Variants in DDX60L observed in about 807,000 individuals in gnomAD.
The protein encoded by DDX60L is DExD/H-box 60 like.
DDX60L carries 191 observed loss-of-function variants against 211.6 expected under a neutral mutation model. The ratio of observed to expected loss-of-function variants is 0.90; its 90% confidence interval spans 0.80 to 1.02. The LOEUF (loss-of-function observed/expected upper bound fraction) is 1.02, where lower values mean the gene tolerates loss of function less well. Ranked by LOEUF, DDX60L falls within the 50% of genes least tolerant of loss-of-function variation. The pLI, the probability that DDX60L is intolerant of heterozygous loss-of-function variation, is 0.00. For missense variants in DDX60L, 2,007 were observed against 1,984.1 expected (o/e 1.01, Z -0.22); for synonymous variants, 706 against 694.1 (o/e 1.02, Z -0.27).
At chr4:168,455,328 T>C (rs1363544600) in intron 7 of DDX60L, among the ~76,000 whole-genome samples, 1 of 143,478 alleles carries the variant, frequency 7.0e-6, no homozygotes, top group Admixed American at 6.8e-5. Context: ...ATGCATATAG[T>C]AGAGCGGAAA....
At chr4:168,428,923 A>G (rs1276321774) in intron 13 of DDX60L, among the ~76,000 whole-genome samples, 1 of 152,202 alleles carries the variant, frequency 6.6e-6, no homozygotes, top group Non-Finnish European at 1.5e-5. Flanking sequence ...AAAGGCAGGA[A>G]GAGAAAGAAA....
At chr4:168,396,579 C>T (rs1373931375) in intron 26 of DDX60L, among the ~76,000 whole-genome samples, 1 of 151,970 alleles carries the variant, frequency 6.6e-6, no homozygotes, top group East Asian at 1.9e-4. Flanking sequence ...ACAGCAGAGA[C>T]CCTTCCTGAC....
intron 4 of DDX60L, among the ~76,000 whole-genome samples, chr4:168,466,149 T>C (rs542325647): frequency 2.0e-5 from 3 of 151,292 alleles, no homozygotes; most frequent in African/African-American, 7.3e-5. Flanking sequence ...ATTTATGAAG[T>C]TAGTGGAAAA....
chr4:168,381,978 G>C (rs919627695), intron 30 of DDX60L, among the ~76,000 whole-genome samples: 2 of 152,080 alleles, frequency 1.3e-5, no homozygotes, highest in African/African-American at 4.8e-5. Context: ...CTTTTACATA[G>C]AACTGGGTGT....
chr4:168,414,221 A>T (rs1423971773), intron 22 of DDX60L, among the ~76,000 whole-genome samples: 2 of 152,194 alleles, frequency 1.3e-5, no homozygotes, highest in East Asian at 3.8e-4. Context: ...AGAAGTGCTA[A>T]AGGGAGTTCT....
Position 168,356,934 on chromosome 4 carries a change from A to G in DDX60L, c.*1213T>C, listed in dbSNP as rs1486807787. ...AAGAATTATATTCTCTAATTTTTAA[A>G]TCACTTGCAGTTTAAGCTCATTTGA... On this transcript the variant is annotated 3_prime_UTR_variant, in exon 38 of 38. Coordinates refer to ENST00000682922, the MANE Select transcript of DDX60L (RefSeq NM_001012967.3). 6.6e-6 allele frequency: 1 copy of G among 152,226 alleles called. No individual in the cohort carries two copies. Among genetic ancestry groups the G allele is most frequent in the Non-Finnish European group, 1.5e-5 (1 of 68,048 alleles). The allele number at this position is 152,226 out of a possible 1,614,324, so 9.4% of individuals were successfully genotyped here.
At chr4:168,379,691 G>C in intron 31 of DDX60L, 35 bp downstream of exon 31, 1 of 1,535,114 alleles carries the variant, frequency 6.5e-7, no homozygotes, top group East Asian at 2.3e-5. Context: ...CACGGTACTA[G>C]TTACAGAGAA....
In DDX60L at chr4:168,357,987, T is replaced by C. The variant is rs1738416722; in HGVS notation, c.*160A>G. On this transcript the variant is annotated 3_prime_UTR_variant, in exon 38 of 38. Coordinates refer to ENST00000682922, the MANE Select transcript of DDX60L (RefSeq NM_001012967.3). ...TAAAGCTCAGATATATTACATAACT[T>C]AAAGTCATTCAGTTAGAAAATAGCA... is the stretch of plus-strand genomic sequence containing the variant. 1.6e-6 allele frequency: 1 copy of C among 634,408 alleles called. No homozygotes were observed. The highest frequency in any genetic ancestry group is 2.6e-6 in the Non-Finnish European group (1 of 380,324). The allele number at this position is 634,408 out of a possible 1,614,324, so 39.3% of individuals were successfully genotyped here. A position where few individuals can be genotyped will look rare whatever the true frequency, so the allele number is the denominator to read the frequency against.
intron 8 of DDX60L, among the ~76,000 whole-genome samples, chr4:168,450,432 G>A (rs537486273): frequency 2.0e-5 from 3 of 151,372 alleles, no homozygotes; most frequent in Non-Finnish European, 2.9e-5. Context: ...AAATGCTCAG[G>A]GGAGACTGAA....
intron 1 of DDX60L, among the ~76,000 whole-genome samples, chr4:168,476,637 A>G (rs2150165901): frequency 1.7e-5 from 2 of 117,890 alleles, no homozygotes; most frequent in East Asian, 5.2e-4. Context: ...TTTCTTTTGG[A>G]TTCTGATGGA....
At chr4:168,414,912 T>C (rs542173206) in intron 22 of DDX60L, among the ~76,000 whole-genome samples, 4 of 150,898 alleles carry the variant, frequency 2.7e-5, no homozygotes, top group African/African-American at 4.9e-5. Flanking sequence ...CACAAAAAAA[T>C]AGATAGAATA....
chr4:168,396,587 G>C (rs1745837925), intron 26 of DDX60L, among the ~76,000 whole-genome samples: 1 of 151,928 alleles, frequency 6.6e-6, no homozygotes, highest in African/African-American at 2.4e-5. Context: ...GACCCTTCCT[G>C]ACTAGGCCTA....
Position 168,404,058 on chromosome 4 carries a change from T to C in DDX60L, c.3262A>G (p.Lys1088Glu), listed in dbSNP as rs778017747. 1.2e-5 allele frequency: 18 copies of C among 1,458,604 alleles called. No homozygotes were observed. The Admixed American group carries it at 4.0e-4, about 32-fold the overall frequency. 90.4% of individuals were successfully genotyped at this position (1,458,604 alleles called of 1,614,324 possible). A position where few individuals can be genotyped will look rare whatever the true frequency, so the allele number is the denominator to read the frequency against. Residue 1088 changes from lysine to glutamate, a missense_variant, in exon 25 of 38, where the codon AAA (lysine) becomes GAA (glutamate). Coordinates refer to ENST00000682922, the MANE Select transcript of DDX60L (RefSeq NM_001012967.3). The stretch of plus-strand genomic sequence containing the variant: ...AGAGGAAACATTTTCACCATATCTT[T>C]TGAACTAGACAATGAATCCGGACTA... The part of the protein sequence containing the change: ...NLSPDSLSSS[K>E]DMVKMFPLLV...
rs201326017 is a variant in DDX60L, at chr4:168,373,764, A to G, written c.4678T>C (p.Leu1560=). Residue 1560 remains leucine (L), a synonymous_variant, in exon 35 of 38, where the codon TTG becomes CTG. Transcript: ENST00000682922. ...ACTCTTCCTTTCTTGCAGCTCATCA[A>G]GTGAGACACGAGTTGGGAGTCTTCA... is the stretch of plus-strand genomic sequence containing the variant. ...ECEDSQLVSH[L]MSCKKGRVAI... is the part of the protein sequence containing the mutation. 1 of 1,614,088 alleles carries G rather than the reference A, an allele frequency of 6.2e-7. No individual in the cohort carries two copies. Among genetic ancestry groups the G allele is most frequent in the Non-Finnish European group, 8.5e-7 (1 of 1,179,958 alleles).
chr4:168,414,268 A>C (rs773427973), intron 22 of DDX60L, among the ~76,000 whole-genome samples: 3 of 152,330 alleles, frequency 2.0e-5, no homozygotes, highest in Non-Finnish European at 4.4e-5. Flanking sequence ...GAGCATTAAG[A>C]AACCACCTGA....
At chr4:168,362,731 T>G (rs1486447004) in intron 36 of DDX60L, among the ~76,000 whole-genome samples, 1 of 152,128 alleles carries the variant, frequency 6.6e-6, no homozygotes, top group Non-Finnish European at 1.5e-5. Flanking sequence ...GCTAAAGAAA[T>G]AATTTCTGAA....
chr4:168,400,341 C>T (rs1746581066), intron 26 of DDX60L, among the ~76,000 whole-genome samples: 1 of 152,098 alleles, frequency 6.6e-6, no homozygotes. Context: ...ATGCATGTAT[C>T]TTTACAACAG....
chr4:168,430,386 G>A, intron 13 of DDX60L, 92 bp downstream of exon 13: 1 of 1,112,232 alleles, frequency 9.0e-7, no homozygotes, highest in East Asian at 2.6e-5. Context: ...TGAGAAAGAA[G>A]AGAATGGAAG....
intron 33 of DDX60L, among the ~76,000 whole-genome samples, chr4:168,376,379 AG>A (rs1446714446): frequency 2.6e-5 from 4 of 152,356 alleles, no homozygotes; most frequent in African/African-American, 9.6e-5. Flanking sequence ...TTATATTCCA[AG>A]ATTCCTAGGA....
Sources: allele counts gnomAD v4.1 joint callset (sites outside exome capture counted in the v4.1 genomes callset), GRCh38; gene constraint gnomAD v4.1.1; transcripts MANE v1.5; gene names NCBI Gene and HGNC (gene_info 2026-07-23, HGNC 2026-07-21).